RORA: variants seen among roughly 807,000 people sequenced by gnomAD.
RORA encodes the protein nuclear receptor ROR-alpha.
Under a neutral mutation model 69.5 loss-of-function variants are expected in RORA, and 7 were observed. That is an observed-to-expected ratio of 0.10 (90% confidence interval 0.06 to 0.19). RORA has a LOEUF of 0.19. Among genes scored for constraint, RORA ranks in the 10% least tolerant of loss-of-function variants. The pLI is 1.00. For synonymous variants in RORA, 261 were observed against 240.8 expected, an observed-to-expected ratio of 1.08 and a Z score of -0.78; for missense variants, 457 against 663.0, an observed-to-expected ratio of 0.69 and a Z score of 3.41.
intron 1 of RORA, among the ~76,000 whole-genome samples, chr15:60,874,758 C>G (rs2073595283): frequency 6.6e-6 from 1 of 152,120 alleles, no homozygotes; most frequent in Non-Finnish European, 1.5e-5. Context: ...TTATTTTGCC[C>G]TGAGGAAGTA....
chr15:61,101,400 T>C (rs1017356770), intron 1 of RORA, among the ~76,000 whole-genome samples: 6 of 151,934 alleles, frequency 3.9e-5, no homozygotes, highest in Non-Finnish European at 1.5e-5. Context: ...GGGTCAGCTG[T>C]GGAGAGAATA....
intron 1 of RORA, 90 bp from the exon 2 acceptor site, chr15:60,678,776 GT>G: frequency 9.0e-7 from 1 of 1,107,658 alleles, no homozygotes; most frequent in Non-Finnish European, 1.4e-6. Flanking sequence ...TCAGGAAGGC[GT>G]TTAGTTCAGA....
intron 1 of RORA, among the ~76,000 whole-genome samples, chr15:60,754,799 T>C (rs781224812): frequency 6.6e-6 from 1 of 152,138 alleles, no homozygotes; most frequent in Non-Finnish European, 1.5e-5. Flanking sequence ...GACTTTCCAG[T>C]TGGTGGCAAA....
intron 1 of RORA, among the ~76,000 whole-genome samples, chr15:61,006,671 C>T (rs1300006383): frequency 6.6e-6 from 1 of 152,120 alleles, no homozygotes; most frequent in Non-Finnish European, 1.5e-5. Flanking sequence ...TCCAGACTCC[C>T]CATCAGACAC....
intron 1 of RORA, among the ~76,000 whole-genome samples, chr15:60,723,384 C>CG (rs2071317496): frequency 2.7e-5 from 4 of 150,570 alleles, no homozygotes. Context: ...CATTCCCCCC[C>CG]CCACTCACAT....
At chr15:60,535,937 G>T (rs2066663413) in intron 2 of RORA, among the ~76,000 whole-genome samples, 1 of 151,960 alleles carries the variant, frequency 6.6e-6, no homozygotes, top group Non-Finnish European at 1.5e-5. Context: ...ACTAACCAGG[G>T]CTCAAAAGAC....
intron 2 of RORA, among the ~76,000 whole-genome samples, chr15:60,617,848 G>T (rs2069295951): frequency 6.6e-6 from 1 of 152,118 alleles, no homozygotes; most frequent in African/African-American, 2.4e-5. Context: ...CCCAAGTTTG[G>T]GCAGGACTGT....
At chr15:60,714,469 A>G (rs998265945) in intron 1 of RORA, among the ~76,000 whole-genome samples, 9 of 151,826 alleles carry the variant, frequency 5.9e-5, no homozygotes. Flanking sequence ...GGCTCAAGCG[A>G]TTCTCCTGCC....
At chr15:61,220,250 G>T (rs1374261236) in intron 1 of RORA, among the ~76,000 whole-genome samples, 3 of 152,272 alleles carry the variant, frequency 2.0e-5, no homozygotes, top group Non-Finnish European at 4.4e-5. Context: ...CTGGACAATT[G>T]AGAGTTATGA....
chr15:60,944,697 A>G (rs1188538737), intron 1 of RORA, among the ~76,000 whole-genome samples: 4 of 141,124 alleles, frequency 2.8e-5, no homozygotes, highest in Non-Finnish European at 4.7e-5. Flanking sequence ...TGTACTCCAA[A>G]AAAAAAAAAA....
chr15:60,576,378 C>T (rs985844217), intron 2 of RORA, among the ~76,000 whole-genome samples: 1 of 152,198 alleles, frequency 6.6e-6, no homozygotes, highest in Non-Finnish European at 1.5e-5. Flanking sequence ...AATGGACAGC[C>T]TTTTGATAGG....
chr15:61,192,598 T>C (rs1371994946), intron 1 of RORA, among the ~76,000 whole-genome samples: 1 of 152,250 alleles, frequency 6.6e-6, no homozygotes, highest in Non-Finnish European at 1.5e-5. Flanking sequence ...TGGTCTACAC[T>C]GCCCTGAGAC....
intron 1 of RORA, among the ~76,000 whole-genome samples, chr15:61,098,324 C>T (rs1321179849): frequency 7.4e-5 from 11 of 149,640 alleles, no homozygotes; most frequent in African/African-American, 2.2e-4. Flanking sequence ...TGTCTCCCTC[C>T]TTCCTTTCTT....
intron 1 of RORA, among the ~76,000 whole-genome samples, chr15:60,856,672 G>A (rs879282093): frequency 6.6e-6 from 1 of 152,174 alleles, no homozygotes; most frequent in Admixed American, 6.5e-5. Flanking sequence ...GTGAATTCAG[G>A]TGACTCCTGG....
intron 2 of RORA, among the ~76,000 whole-genome samples, chr15:60,570,097 C>T (rs1027325073): frequency 5.3e-5 from 8 of 152,148 alleles, no homozygotes; most frequent in Admixed American, 2.0e-4. Flanking sequence ...AACAATCCCC[C>T]TGCTTATTTG....
chr15:61,145,839 A>G (rs1172170478), intron 1 of RORA, among the ~76,000 whole-genome samples: 1 of 152,148 alleles, frequency 6.6e-6, no homozygotes, highest in Non-Finnish European at 1.5e-5. Flanking sequence ...TTCCTTTTAA[A>G]CACTAAACTC....
At chr15:60,498,562 T>G (rs985706152) in intron 10 of RORA, among the ~76,000 whole-genome samples, 4 of 152,206 alleles carry the variant, frequency 2.6e-5, no homozygotes, top group Non-Finnish European at 4.4e-5. Flanking sequence ...GCAAAATTAC[T>G]TTTAGATTCC....
At chr15:60,864,962 T>C (rs1376426488) in intron 1 of RORA, among the ~76,000 whole-genome samples, 3 of 152,234 alleles carry the variant, frequency 2.0e-5, no homozygotes, top group African/African-American at 7.2e-5. Context: ...TTACCTTGCC[T>C]CTTCCTTTGG....
rs913335731 is a variant in RORA at position 60,905,784 on chromosome 15, C to A, written c.167-227098G>T. On this transcript the variant is annotated intron_variant, in intron 1 of 10. Transcript: ENST00000335670. This position sits in a 1 kb window ranked among gnomAD's most constrained non-coding sequence, Gnocchi z 4.8. ...TAGAGCCGGCCTGGTTCTTGGGGCACCCCCTAGTGACATGTTCCTATACCC... is the reference window on the plus strand; with the variant it reads ...TAGAGCCGGCCTGGTTCTTGGGGCAACCCCTAGTGACATGTTCCTATACCC... Among the ~76,000 whole-genome samples, 2 of 152,148 alleles carry A rather than the reference C, an allele frequency of 1.3e-5. No individual in the cohort carries two copies. The highest frequency in any genetic ancestry group is 4.8e-5 in the African/African-American group (2 of 41,452).
Sources: allele counts gnomAD v4.1 joint callset (sites outside exome capture counted in the v4.1 genomes callset), GRCh38; gene constraint gnomAD v4.1.1; non-coding constraint Gnocchi (gnomAD v3.1); transcripts MANE v1.5; gene names NCBI Gene and HGNC (gene_info 2026-07-23, HGNC 2026-07-21).